The following PSMD14 variants were observed in gnomAD, a reference collection of about 807,000 sequenced individuals.
PSMD14 encodes the protein ubiquitin C-terminal hydrolase PSMD14.
In PSMD14, 7 loss-of-function variants were observed where a neutral mutation model predicts 41.2. The observed-to-expected ratio is 0.17, with a 90% CI of 0.10 to 0.32. The LOEUF is 0.32. Ranked by LOEUF, PSMD14 falls within the 10% of genes least tolerant of loss-of-function variation. PSMD14 has a pLI of 1.00. For missense variants in PSMD14, 139 were observed against 375.6 expected, an observed-to-expected ratio of 0.37 and a Z score of 5.21; for synonymous variants, 114 against 122.3, an observed-to-expected ratio of 0.93 and a Z score of 0.45.
At chr2:161,402,071 T>A (rs1298025701) in intron 10 of PSMD14, among the ~76,000 whole-genome samples, 1 of 152,198 alleles carries the variant, frequency 6.6e-6, no homozygotes, top group Non-Finnish European at 1.5e-5. Context: ...CTCCTCTCTC[T>A]TTCTCACATC....
intron 7 of PSMD14, chr2:161,381,606 T>A (rs1461888690): frequency 6.6e-6 from 1 of 151,908 alleles, no homozygotes; most frequent in Non-Finnish European, 1.5e-5. Context: ...AGTCTTTCAG[T>A]GACCTAGCAG....
In PSMD14 at chr2:161,357,076, C is replaced by CTTTTTTTTTTTT. The variant is rs71281822; in HGVS notation, c.49-10401_49-10390dup. 1.8e-4 allele frequency among the ~76,000 whole-genome samples: 22 copies of CTTTTTTTTTTTT among 124,176 alleles called. 1 individual carries two copies. Among genetic ancestry groups the CTTTTTTTTTTTT allele is most frequent in the African/African-American group, 5.4e-4 (17 of 31,484 alleles). The allele number at this position is 124,176 out of a possible 152,430, so 81.5% of individuals were successfully genotyped here. A position where few individuals can be genotyped will look rare whatever the true frequency, so the allele number is the denominator to read the frequency against. ...TTTATGCTGTTATAATGGCAAATGCCTTTTTTTTTTTTAGCACTTAGTCAA... is the reference window on the plus strand; with the variant it reads ...TTTATGCTGTTATAATGGCAAATGCCTTTTTTTTTTTTTTTTTTTTTTTTAGCACTTAGTCAA... On this transcript the variant is annotated intron_variant, in intron 3 of 11. Coordinates refer to ENST00000409682, the MANE Select transcript of PSMD14 (RefSeq NM_005805.6).
chr2:161,363,167 G>T (rs1391814113), intron 3 of PSMD14, among the ~76,000 whole-genome samples: 1 of 152,160 alleles, frequency 6.6e-6, no homozygotes, highest in Non-Finnish European at 1.5e-5. Flanking sequence ...GATCTAGGTT[G>T]CATGCTCCAT....
intron 10 of PSMD14, among the ~76,000 whole-genome samples, chr2:161,397,943 T>A (rs1683824279): frequency 6.6e-6 from 1 of 152,184 alleles, no homozygotes; most frequent in Non-Finnish European, 1.5e-5. Context: ...AAAAAAGTTA[T>A]GACTTAAGTA....
At chr2:161,339,745 G>A (rs1193506940) in intron 3 of PSMD14, among the ~76,000 whole-genome samples, 1 of 152,274 alleles carries the variant, frequency 6.6e-6, no homozygotes, top group Non-Finnish European at 1.5e-5. Context: ...TGTGTTGAAG[G>A]CAATGACTGT....
rs868436585 is a variant in PSMD14, at chr2:161,349,789, T to C, written c.49-17689T>C. Among the ~76,000 whole-genome samples, 87 of 152,140 alleles carry C rather than the reference T, an allele frequency of 5.7e-4. 1 individual carries two copies. The highest frequency in any genetic ancestry group is 2.0e-3 in the African/African-American group (83 of 41,426). On this transcript the variant is annotated intron_variant, in intron 3 of 11. Transcript: ENST00000409682. ...GTGAGCCAGACGAGCAGGGTGGGGT[T>C]GGAGAGACCAGCAGGGCTTGCAAGG... is the stretch of plus-strand genomic sequence containing the variant.
intron 3 of PSMD14, among the ~76,000 whole-genome samples, chr2:161,365,048 G>A (rs1367882342): frequency 6.6e-6 from 1 of 152,198 alleles, no homozygotes; most frequent in Non-Finnish European, 1.5e-5. Flanking sequence ...AGTGGTTGCA[G>A]TGAGCCAAGA....
At chr2:161,394,988 G>GT (rs112832377) in intron 9 of PSMD14, 90 bp from the exon 10 acceptor site, 125,049 of 791,428 alleles carry the variant, frequency 0.16, 2 homozygotes, top group South Asian at 0.19. Flanking sequence ...AAGTCGAAAT[G>GT]TTTTTTTTTT....
chr2:161,394,194 A>G (rs899616224), intron 9 of PSMD14, among the ~76,000 whole-genome samples: 12 of 151,974 alleles, frequency 7.9e-5, no homozygotes, highest in African/African-American at 2.9e-4. Flanking sequence ...CTGGTCTCGA[A>G]TTCCTGACCT....
chr2:161,383,663 T>A (rs1328810209), intron 7 of PSMD14: 1 of 151,554 alleles, frequency 6.6e-6, no homozygotes, highest in Non-Finnish European at 1.5e-5. Flanking sequence ...AATTTTGTAG[T>A]AGCTTTTTCT....
chr2:161,394,986 A>AT, intron 9 of PSMD14, 92 bp from the exon 10 acceptor site: 25 of 1,033,720 alleles, frequency 2.4e-5, no homozygotes. Flanking sequence ...TTAAGTCGAA[A>AT]TGTTTTTTTT....
chr2:161,367,644 A>G (rs1683377031), intron 4 of PSMD14, 95 bp downstream of exon 4: 2 of 1,418,756 alleles, frequency 1.4e-6, no homozygotes, highest in Admixed American at 4.5e-5. Context: ...CCTCTCAGAC[A>G]TAAATAAGCT....
intron 9 of PSMD14, among the ~76,000 whole-genome samples, chr2:161,393,971 ATTTTTTT>A (rs11452254): frequency 6.9e-5 from 7 of 100,892 alleles, no homozygotes; most frequent in South Asian, 3.2e-4. Flanking sequence ...ACACTAGATA[ATTTTTTT>A]TTTTTTTTTT....
At chr2:161,377,876 C>A (rs905789066) in intron 7 of PSMD14, among the ~76,000 whole-genome samples, 22 of 151,992 alleles carry the variant, frequency 1.4e-4, no homozygotes, top group African/African-American at 5.1e-4. Context: ...TTGATCACTA[C>A]TTTGTGCCAA....
chr2:161,345,236 C>CTTTTTTT (rs869245727), intron 3 of PSMD14, among the ~76,000 whole-genome samples: 23 of 57,012 alleles, frequency 4.0e-4, no homozygotes, highest in East Asian at 1.3e-3. Flanking sequence ...ATCTCTGTGT[C>CTTTTTTT]TTTTTTTTTT....
intron 10 of PSMD14, among the ~76,000 whole-genome samples, chr2:161,404,975 G>A (rs1438442459): frequency 6.6e-6 from 1 of 152,078 alleles, no homozygotes; most frequent in Non-Finnish European, 1.5e-5. Context: ...CCTCTCATTT[G>A]AAATGTATTA....
intron 3 of PSMD14, among the ~76,000 whole-genome samples, chr2:161,350,787 G>A (rs1036398958): frequency 3.9e-5 from 6 of 152,216 alleles, no homozygotes; most frequent in Non-Finnish European, 5.9e-5. Context: ...TTTGGATATG[G>A]TCTGAAGGTA....
At chr2:161,337,380 C>G (rs1396703225) in intron 3 of PSMD14, among the ~76,000 whole-genome samples, 2 of 152,208 alleles carry the variant, frequency 1.3e-5, no homozygotes, top group Non-Finnish European at 2.9e-5. Flanking sequence ...GTGCCAGACA[C>G]TATACCAAAT....
chr2:161,408,947 TTA>T, intron 11 of PSMD14, 48 bp downstream of exon 11: 1 of 1,473,152 alleles, frequency 6.8e-7, no homozygotes, highest in Non-Finnish European at 9.4e-7. Context: ...TAACATGTTC[TTA>T]TAGAGTTAAA....
Sources: allele counts gnomAD v4.1 joint callset (sites outside exome capture counted in the v4.1 genomes callset), GRCh38; gene constraint gnomAD v4.1.1; transcripts MANE v1.5; gene names NCBI Gene and HGNC (gene_info 2026-07-23, HGNC 2026-07-21).